Variants in GYPB observed in about 807,000 individuals in gnomAD.
The protein encoded by GYPB is glycophorin B (MNS blood group), also known as glycophorin-B.
In GYPB, 13 loss-of-function variants were observed where a neutral mutation model predicts 15.3. The observed-to-expected ratio is 0.85, with a 90% CI of 0.55 to 1.35. GYPB has a LOEUF of 1.35. Ranked by LOEUF, GYPB falls within the 40% of genes most tolerant of loss-of-function variation. The probability of loss-of-function intolerance (pLI) is 0.00; values close to 1 mark genes in which losing one functional copy is unlikely to be tolerated. For missense variants in GYPB, 131 were observed against 108.3 expected, an observed-to-expected ratio of 1.21 and a Z score of -0.93; for synonymous variants, 38 against 36.9, an observed-to-expected ratio of 1.03 and a Z score of -0.11.
Position 143,996,124 on chromosome 4 carries a change from A to G in GYPB, c.*175T>C, listed in dbSNP as rs1727295404. The G allele has an allele frequency of 7.0e-7, 1 of 1,429,268 alleles. No homozygotes were observed. Among genetic ancestry groups the G allele is most frequent in the East Asian group, 2.5e-5 (1 of 39,788 alleles). The allele number at this position is 1,429,268 out of a possible 1,614,324, so 88.5% of individuals were successfully genotyped here. A position where few individuals can be genotyped will look rare whatever the true frequency, so the allele number is the denominator to read the frequency against. On this transcript the variant is annotated 3_prime_UTR_variant, in exon 5 of 5. Coordinates refer to ENST00000502664, the MANE Select transcript of GYPB (RefSeq NM_002100.6). Reference sequence around the variant, plus strand: ...ATGAAAACGGTTTGTATTTTGTTTTATTTTTATTTAGAAGTAGAGAATACA... The same window carrying G: ...ATGAAAACGGTTTGTATTTTGTTTTGTTTTTATTTAGAAGTAGAGAATACA...
rs561933982 is a variant in GYPB at position 144,006,347 on chromosome 4, G to C, written c.38-5064C>G. Among the ~76,000 whole-genome samples, 155 of 152,052 alleles carry C rather than the reference G, an allele frequency of 1.0e-3. 6 individuals are homozygous for C. Among genetic ancestry groups the C allele is most frequent in the African/African-American group, 3.5e-3 (146 of 41,242 alleles). ...TTATCCCCATGTGTTGGGGGAGAGA[G>C]CATGGACTTCTGCCACTGTTCCCAT... On this transcript the variant is annotated intron_variant, in intron 1 of 4. Coordinates refer to ENST00000502664, the MANE Select transcript of GYPB (RefSeq NM_002100.6).
At chr4:143,997,680 A>T in intron 3 of GYPB, 46 bp from the exon 4 acceptor site, 1 of 941,458 alleles carries the variant, frequency 1.1e-6, no homozygotes, top group Non-Finnish European at 1.8e-6. Context: ...AAATGACCAC[A>T]TAGCAATAGA....
At chr4:144,001,364 C>A in intron 1 of GYPB, 81 bp from the exon 2 acceptor site, 1 of 1,606,962 alleles carries the variant, frequency 6.2e-7, no homozygotes, top group Non-Finnish European at 8.5e-7. Flanking sequence ...AAGACAAATT[C>A]CTCTCACATC....
chr4:144,011,730 G>A (rs1363309453), intron 1 of GYPB, among the ~76,000 whole-genome samples: 1 of 151,140 alleles, frequency 6.6e-6, no homozygotes, highest in Non-Finnish European at 1.5e-5. Context: ...TTTTGCTAAC[G>A]AATCAATAAG....
intron 1 of GYPB, chr4:144,002,826 G>A (rs1318843792): frequency 2.0e-5 from 9 of 439,074 alleles, no homozygotes; most frequent in African/African-American, 1.9e-4. Flanking sequence ...TCATGGAGAA[G>A]ACATGATCTA....
At chr4:144,011,455 A>C (rs1347251319) in intron 1 of GYPB, among the ~76,000 whole-genome samples, 33 of 151,396 alleles carry the variant, frequency 2.2e-4, no homozygotes, top group African/African-American at 5.2e-4. Context: ...GAATTAAGAG[A>C]AAAGACATTA....
At chr4:144,013,303 A>G (rs1728317047) in intron 1 of GYPB, among the ~76,000 whole-genome samples, 1 of 150,884 alleles carries the variant, frequency 6.6e-6, no homozygotes, top group South Asian at 2.1e-4. Flanking sequence ...AAATAGGAAC[A>G]CTTTTACACT....
chr4:143,996,199 CA>C lies in GYPB; in HGVS notation c.*99del, dbSNP rs1560701597. 1.9e-6 allele frequency: 3 copies of C among 1,546,692 alleles called. No homozygotes were observed. The East Asian group carries it at 7.3e-5, about 38-fold the overall frequency. ...GAATTAGGATAGCCAGGGGTAGGGGCATAAGCAAAGGAATAGCAGGTGCAGC... is the reference window on the plus strand; with the variant it reads ...GAATTAGGATAGCCAGGGGTAGGGGCTAAGCAAAGGAATAGCAGGTGCAGC... On this transcript the variant is annotated 3_prime_UTR_variant, in exon 5 of 5. Coordinates refer to ENST00000502664, the MANE Select transcript of GYPB (RefSeq NM_002100.6).
Position 143,996,228 on chromosome 4 carries a change from G to A in GYPB, c.*71C>T. ...AGCAAAGGAATAGCAGGTGCAGCCA[G>A]TTTGCATAAACAAGAGAACAGCAGG... On this transcript the variant is annotated 3_prime_UTR_variant, in exon 5 of 5. Transcript: ENST00000502664. The A allele has an allele frequency of 6.5e-7, 1 of 1,549,970 alleles. No individual in the cohort carries two copies. Among genetic ancestry groups the A allele is most frequent in the South Asian group, 1.2e-5 (1 of 84,014 alleles).
chr4:143,999,609 A>C (rs1236508829), intron 2 of GYPB, among the ~76,000 whole-genome samples, 160 bp from the exon 3 acceptor site: 4 of 151,484 alleles, frequency 2.6e-5, no homozygotes, highest in African/African-American at 9.8e-5. Flanking sequence ...TTATGAGGTA[A>C]TGTGTCAGTC....
At position 144,008,936 on chromosome 4, in the gene GYPB, C is replaced by T. The variant is rs114361246; in HGVS notation, c.38-7653G>A. Among the ~76,000 whole-genome samples the T allele has an allele frequency of 8.2e-3, 1,236 of 151,444 alleles. 74 individuals are homozygous for T. Among genetic ancestry groups the T allele is most frequent in the African/African-American group, 0.029 (1,164 of 40,762 alleles). On this transcript the variant is annotated intron_variant, in intron 1 of 4. Transcript: ENST00000502664. Reference sequence around the variant, plus strand: ...ATGTAAACTTCATCTTCCTGAGTTTCGAGGTCAATTCTTACATTTTCTATG... The same window carrying T: ...ATGTAAACTTCATCTTCCTGAGTTTTGAGGTCAATTCTTACATTTTCTATG...
chr4:144,003,879 A>G (rs1395758346), intron 1 of GYPB, among the ~76,000 whole-genome samples: 1 of 151,448 alleles, frequency 6.6e-6, no homozygotes, highest in Non-Finnish European at 1.5e-5. Flanking sequence ...AAGTTAGACC[A>G]TAATGCCTCT....
chr4:144,010,918 G>C (rs868020770), intron 1 of GYPB, among the ~76,000 whole-genome samples: 24 of 151,292 alleles, frequency 1.6e-4, no homozygotes, highest in African/African-American at 5.9e-4. Flanking sequence ...GAAAGGATAA[G>C]GGCAAATAAA....
At chr4:144,008,118 G>A (rs1010901408) in intron 1 of GYPB, among the ~76,000 whole-genome samples, 12 of 151,586 alleles carry the variant, frequency 7.9e-5, no homozygotes, top group African/African-American at 2.7e-4. Flanking sequence ...TCTTTGTGGA[G>A]GAGGAAAAGA....
intron 3 of GYPB, 43 bp from the exon 4 acceptor site, chr4:143,997,677 C>T (rs774370311): frequency 8.3e-6 from 8 of 967,238 alleles, no homozygotes; most frequent in African/African-American, 1.6e-5. Flanking sequence ...AATAAATGAC[C>T]ACATAGCAAT....
chr4:144,007,564 GA>G (rs1208768079), intron 1 of GYPB, among the ~76,000 whole-genome samples: 4 of 151,454 alleles, frequency 2.6e-5, no homozygotes, highest in African/African-American at 4.9e-5. Flanking sequence ...CAGAGGTGGA[GA>G]AAAAAATCGG....
intron 1 of GYPB, among the ~76,000 whole-genome samples, chr4:144,010,232 G>A (rs1458102843): frequency 6.6e-6 from 1 of 151,290 alleles, no homozygotes; most frequent in Non-Finnish European, 1.5e-5. Flanking sequence ...GGGAGGCCAA[G>A]GCAAGAGGAT....
chr4:143,999,587 A>G (rs1727515298), intron 2 of GYPB, 138 bp from the exon 3 acceptor site: 1 of 600,540 alleles, frequency 1.7e-6, no homozygotes, highest in African/African-American at 2.0e-5. Flanking sequence ...TTCAACATCT[A>G]GCTAGTAACA....
rs572489505 is a variant in GYPB, at chr4:144,008,160, G to T, written c.38-6877C>A. 8.0e-4 allele frequency among the ~76,000 whole-genome samples: 121 copies of T among 151,696 alleles called. 2 individuals are homozygous for T. The highest frequency in any genetic ancestry group is 7.9e-3 in the Admixed American group (121 of 15,290). On this transcript the variant is annotated intron_variant, in intron 1 of 4. Transcript: ENST00000502664. ...CAGAAACATTGCCTGACTTGCTTAA[G>T]TTCACACAGCCGCCAAGTGGCAGAA...
Sources: allele counts gnomAD v4.1 joint callset (sites outside exome capture counted in the v4.1 genomes callset), GRCh38; gene constraint gnomAD v4.1.1; transcripts MANE v1.5; gene names NCBI Gene and HGNC (gene_info 2026-07-23, HGNC 2026-07-21).